AKAP6: variants seen among roughly 807,000 people sequenced by gnomAD.
AKAP6 encodes A-kinase anchor protein 6.
In AKAP6, 58 loss-of-function variants were observed where a neutral mutation model predicts 188.5. The ratio of observed to expected loss-of-function variants is 0.31; its 90% CI spans 0.25 to 0.38. The LOEUF is 0.38. Among genes scored for constraint, AKAP6 ranks in the 10% least tolerant of loss-of-function variants. The pLI is 1.00. For missense variants in AKAP6, 2,710 were observed against 2,740.0 expected, an observed-to-expected ratio of 0.99 and a Z score of 0.24; for synonymous variants, 989 against 998.6, an observed-to-expected ratio of 0.99 and a Z score of 0.18.
At position 32,823,647 on chromosome 14, in the gene AKAP6, C is replaced by G. The variant is rs1449212256; in HGVS notation, c.5834C>G (p.Ser1945Ter). 6.2e-7 allele frequency: 1 copy of G among 1,613,724 alleles called. No individual in the cohort carries two copies. Residue 1945 changes from serine to a stop codon, truncating the protein, a stop_gained, in exon 13 of 14, where the codon TCA (serine) becomes TGA (stop). Coordinates refer to ENST00000280979, the MANE Select transcript of AKAP6 (RefSeq NM_004274.5). LOFTEE classifies it high-confidence loss of function. Reference sequence around the variant, plus strand: ...GCACTTATGGATAGTTTAGATGATTCAAATACTGCTGGCAAGGAATTTGTT... The same window carrying G: ...GCACTTATGGATAGTTTAGATGATTGAAATACTGCTGGCAAGGAATTTGTT... The part of the protein sequence containing the change: ...CKALMDSLDD[S>*]NTAGKEFVSQ...
intron 11 of AKAP6, among the ~76,000 whole-genome samples, chr14:32,769,130 C>A (rs887431609): frequency 1.4e-5 from 2 of 143,874 alleles, no homozygotes; most frequent in Admixed American, 7.2e-5. Context: ...CCACTGCAAC[C>A]TCCACCTCCT....
intron 7 of AKAP6, among the ~76,000 whole-genome samples, chr14:32,644,171 A>G (rs553194396): frequency 2.0e-5 from 3 of 152,180 alleles, no homozygotes; most frequent in African/African-American, 7.2e-5. Context: ...ACTATTTGCC[A>G]CAGAATGATA....
At chr14:32,495,997 G>A (rs1362188968) in intron 2 of AKAP6, among the ~76,000 whole-genome samples, 2 of 152,100 alleles carry the variant, frequency 1.3e-5, no homozygotes, top group Admixed American at 1.3e-4. Flanking sequence ...ATCAAATTTA[G>A]TTTTGGCTTC....
intron 1 of AKAP6, among the ~76,000 whole-genome samples, chr14:32,400,916 T>G (rs982777842): frequency 1.3e-5 from 2 of 152,188 alleles, no homozygotes; most frequent in Admixed American, 6.5e-5. Context: ...ATGATAATCC[T>G]ATTCTTTCCA....
chr14:32,615,242 C>G (rs968610220), intron 7 of AKAP6, among the ~76,000 whole-genome samples: 1 of 144,298 alleles, frequency 6.9e-6, no homozygotes, highest in Non-Finnish European at 1.5e-5. Flanking sequence ...ACAAGGGTAA[C>G]AAGCTGAGGT....
intron 2 of AKAP6, among the ~76,000 whole-genome samples, chr14:32,500,562 A>G (rs1880560348): frequency 6.6e-6 from 1 of 152,146 alleles, no homozygotes; most frequent in Non-Finnish European, 1.5e-5. Context: ...TTCATGCAGC[A>G]TATCTACCCA....
At chr14:32,819,559 T>C (rs2034468109) in intron 12 of AKAP6, among the ~76,000 whole-genome samples, 1 of 152,126 alleles carries the variant, frequency 6.6e-6, no homozygotes, top group Admixed American at 6.5e-5. Flanking sequence ...AATAGCAAAT[T>C]GGAAGGTATG....
intron 4 of AKAP6, among the ~76,000 whole-genome samples, chr14:32,575,036 C>T (rs1328057664): frequency 2.6e-5 from 4 of 152,102 alleles, no homozygotes; most frequent in Non-Finnish European, 5.9e-5. Flanking sequence ...ATATTCTGAT[C>T]CCTAGGTAGT....
At chr14:32,790,350 C>A (rs1223735157) in intron 12 of AKAP6, among the ~76,000 whole-genome samples, 1 of 152,090 alleles carries the variant, frequency 6.6e-6, no homozygotes, top group East Asian at 1.9e-4. Context: ...GGTCAATGTT[C>A]AAATTCAGGA....
intron 2 of AKAP6, among the ~76,000 whole-genome samples, chr14:32,532,902 A>T (rs1882486411): frequency 6.6e-6 from 1 of 152,202 alleles, no homozygotes; most frequent in African/African-American, 2.4e-5. Context: ...GGAAAGGGTC[A>T]CTGGAGAAGC....
At chr14:32,699,234 G>A (rs1412625581) in intron 9 of AKAP6, among the ~76,000 whole-genome samples, 2 of 152,092 alleles carry the variant, frequency 1.3e-5, no homozygotes, top group Non-Finnish European at 2.9e-5. Flanking sequence ...TCCTAAACAT[G>A]AAACTACAGA....
intron 7 of AKAP6, chr14:32,617,114 C>G (rs923639563): frequency 2.6e-5 from 4 of 152,342 alleles, no homozygotes; most frequent in African/African-American, 9.6e-5. Context: ...TATCCAGAAT[C>G]CTTCAGTGGC....
intron 12 of AKAP6, among the ~76,000 whole-genome samples, chr14:32,789,731 C>T (rs1187312628): frequency 6.6e-6 from 1 of 152,150 alleles, no homozygotes; most frequent in African/African-American, 2.4e-5. Flanking sequence ...TTAGTATCCT[C>T]AAAGATCAAA....
At chr14:32,440,626 G>A (rs933281123) in intron 2 of AKAP6, among the ~76,000 whole-genome samples, 1 of 152,022 alleles carries the variant, frequency 6.6e-6, no homozygotes, top group African/African-American at 2.4e-5. Flanking sequence ...CTTTAATTTT[G>A]GAACATATTA....
chr14:32,698,805 G>A (rs988830696), intron 9 of AKAP6, among the ~76,000 whole-genome samples: 1 of 152,154 alleles, frequency 6.6e-6, no homozygotes, highest in Non-Finnish European at 1.5e-5. Context: ...AATCAAGGAT[G>A]AAAATGAAGC....
At chr14:32,439,186 G>A (rs969681899) in intron 2 of AKAP6, among the ~76,000 whole-genome samples, 3 of 152,182 alleles carry the variant, frequency 2.0e-5, no homozygotes, top group Non-Finnish European at 4.4e-5. Context: ...GAGATGTCTG[G>A]GACATCTGAA....
chr14:32,581,080 G>T (rs544673583), intron 5 of AKAP6, among the ~76,000 whole-genome samples: 49 of 152,272 alleles, frequency 3.2e-4, no homozygotes, highest in African/African-American at 1.1e-3. Context: ...TAATGGGATG[G>T]CTGGGTCAAG....
At chr14:32,614,634 C>T (rs1886481808) in intron 7 of AKAP6, among the ~76,000 whole-genome samples, 1 of 152,094 alleles carries the variant, frequency 6.6e-6, no homozygotes, top group Non-Finnish European at 1.5e-5. Flanking sequence ...TTGTGGACTG[C>T]CTAACCAATA....
chr14:32,354,529 T>C (rs187255529), intron 1 of AKAP6, among the ~76,000 whole-genome samples: 38 of 152,304 alleles, frequency 2.5e-4, no homozygotes, highest in African/African-American at 8.2e-4. Context: ...GTAATTTCTT[T>C]CTATGCAAAT....
Sources: allele counts gnomAD v4.1 joint callset (sites outside exome capture counted in the v4.1 genomes callset), GRCh38; gene constraint gnomAD v4.1.1; transcripts MANE v1.5; gene names NCBI Gene and HGNC (gene_info 2026-07-23, HGNC 2026-07-21).